Variants in STXBP5 observed in about 807,000 individuals in gnomAD.
The protein encoded by STXBP5 is syntaxin-binding protein 5.
Under a neutral mutation model 152.4 loss-of-function variants are expected in STXBP5, and 50 were observed. The ratio of observed to expected loss-of-function variants is 0.33; its 90% CI spans 0.26 to 0.42. STXBP5 has a LOEUF of 0.42. Among genes scored for constraint, STXBP5 ranks in the 10% least tolerant of loss-of-function variants. The probability of loss-of-function intolerance (pLI) is 1.00; values close to 1 mark genes in which losing one functional copy is unlikely to be tolerated. For synonymous variants in STXBP5, 492 were observed against 494.7 expected (o/e 0.99, Z 0.07); for missense variants, 1,167 against 1,388.6 (o/e 0.84, Z 2.54).
At chr6:147,311,325 A>G (rs1375596058) in intron 10 of STXBP5, 130 bp from the exon 11 acceptor site, 5 of 733,468 alleles carry the variant, frequency 6.8e-6, no homozygotes, top group Admixed American at 2.9e-5. Flanking sequence ...AACATGCATG[A>G]AGTATCATAG....
chr6:147,310,348 C>T (rs1251635003), intron 10 of STXBP5, 110 bp downstream of exon 10: 2 of 834,778 alleles, frequency 2.4e-6, no homozygotes, highest in African/African-American at 1.8e-5. Flanking sequence ...GCTAATTCTT[C>T]TGGAGAAGAG....
At chr6:147,349,403 G>C (rs907622454) in intron 21 of STXBP5, among the ~76,000 whole-genome samples, 3 of 152,142 alleles carry the variant, frequency 2.0e-5, no homozygotes, top group African/African-American at 7.2e-5. Flanking sequence ...TATCTTGCTC[G>C]TTCTAACAGT....
At chr6:147,350,414 A>G (rs758119566) in intron 21 of STXBP5, among the ~76,000 whole-genome samples, 1 of 152,148 alleles carries the variant, frequency 6.6e-6, no homozygotes, top group Non-Finnish European at 1.5e-5. Context: ...TAGATGGTGA[A>G]TGAAAGCATA....
At chr6:147,216,300 G>A (rs1265363156) in intron 2 of STXBP5, among the ~76,000 whole-genome samples, 1 of 152,162 alleles carries the variant, frequency 6.6e-6, no homozygotes, top group Non-Finnish European at 1.5e-5. Context: ...GCTGTGGCAG[G>A]AGAATCACTT....
At chr6:147,247,271 CA>C in intron 4 of STXBP5, among the ~76,000 whole-genome samples, 1 of 152,164 alleles carries the variant, frequency 6.6e-6, no homozygotes, top group East Asian at 1.9e-4. Flanking sequence ...TCTTTGAAAA[CA>C]GCTTAATGAA....
intron 2 of STXBP5, among the ~76,000 whole-genome samples, chr6:147,208,700 T>C (rs1378620530): frequency 6.6e-6 from 1 of 152,136 alleles, no homozygotes; most frequent in Non-Finnish European, 1.5e-5. Flanking sequence ...AAGATTAGGC[T>C]ATTACAATTC....
chr6:147,212,756 C>A (rs1236449102), intron 2 of STXBP5, among the ~76,000 whole-genome samples: 1 of 152,232 alleles, frequency 6.6e-6, no homozygotes, highest in East Asian at 1.9e-4. Context: ...CAAGTGTAAA[C>A]CTTTGTTTAC....
intron 1 of STXBP5, 150 bp from the exon 2 acceptor site, chr6:147,205,821 G>GT (rs1776522449): frequency 1.9e-6 from 1 of 536,578 alleles, no homozygotes; most frequent in East Asian, 3.0e-5. Flanking sequence ...GTTAATGTAG[G>GT]TTTCACTTAT....
At chr6:147,333,294 G>A (rs1164332745) in intron 18 of STXBP5, among the ~76,000 whole-genome samples, 2 of 152,076 alleles carry the variant, frequency 1.3e-5, no homozygotes, top group Non-Finnish European at 2.9e-5. Flanking sequence ...GGCCTAGGTG[G>A]GTGGATCACT....
intron 2 of STXBP5, among the ~76,000 whole-genome samples, chr6:147,223,718 G>A (rs1195336588): frequency 1.3e-5 from 2 of 152,156 alleles, no homozygotes; most frequent in Non-Finnish European, 2.9e-5. Context: ...AGTATGGCAA[G>A]GGGCATGACA....
intron 4 of STXBP5, among the ~76,000 whole-genome samples, chr6:147,254,290 A>C (rs1026716933): frequency 3.9e-5 from 6 of 152,246 alleles, no homozygotes; most frequent in Non-Finnish European, 7.3e-5. Flanking sequence ...ACAGAAATTA[A>C]CTCAAGGTGG....
In STXBP5 at chr6:147,386,641, C is replaced by G. The variant is rs1786352751; in HGVS notation, c.*1886C>G. 6.6e-6 allele frequency: 1 copy of G among 151,800 alleles called. No individual in the cohort carries two copies. Among genetic ancestry groups the G allele is most frequent in the Non-Finnish European group, 1.5e-5 (1 of 67,782 alleles). The allele number at this position is 151,800 out of a possible 1,614,324, so 9.4% of individuals were successfully genotyped here. ...GTTTCGTTAATGTCAGCTGCCTGAA[C>G]ATTCAGCAGTTTATAAATTGCTTAA... is the stretch of plus-strand genomic sequence containing the variant. On this transcript the variant is annotated 3_prime_UTR_variant, in exon 28 of 28. Coordinates refer to ENST00000321680, the MANE Select transcript of STXBP5 (RefSeq NM_001127715.4).
chr6:147,375,770 A>G (rs2128420293), intron 26 of STXBP5, among the ~76,000 whole-genome samples: 1 of 152,054 alleles, frequency 6.6e-6, no homozygotes, highest in African/African-American at 2.4e-5. Context: ...AGTACACCAG[A>G]GACAAAGAGA....
intron 26 of STXBP5, among the ~76,000 whole-genome samples, chr6:147,376,653 C>G (rs1785824538): frequency 6.6e-6 from 1 of 151,840 alleles, no homozygotes; most frequent in African/African-American, 2.4e-5. Flanking sequence ...CCTGTCTCTA[C>G]AAAAAATTTA....
Position 147,239,249 on chromosome 6 carries a change from C to G in STXBP5, c.410C>G (p.Ser137Trp). 3.1e-6 allele frequency: 5 copies of G among 1,613,592 alleles called. No homozygotes were observed. Among genetic ancestry groups the G allele is most frequent in the Non-Finnish European group, 3.4e-6 (4 of 1,179,726 alleles). Reference protein sequence around the residue: ...LRQKRPAILHSLKFCRERVTF... With the variant: ...LRQKRPAILHWLKFCRERVTF... ...CAGAAGAGGCCTGCCATACTACATTCGCTTAAATTTTGCAGAGAAAGGTAA... is the reference window on the plus strand; with the variant it reads ...CAGAAGAGGCCTGCCATACTACATTGGCTTAAATTTTGCAGAGAAAGGTAA... Residue 137 changes from serine to tryptophan, a missense_variant, in exon 4 of 28, where the codon TCG becomes TGG. By Grantham distance (177) the Ser-to-Trp change is radical (BLOSUM62 -3). This residue lies in a region of STXBP5 where 310 missense variants were observed against 346.1 expected (regional missense o/e 0.90). Coordinates refer to ENST00000321680, the MANE Select transcript of STXBP5 (RefSeq NM_001127715.4).
rs144317030 is a variant in STXBP5, at chr6:147,271,900, C to T, written c.714+4733C>T. 7.1e-3 allele frequency among the ~76,000 whole-genome samples: 1,081 copies of T among 151,998 alleles called. 13 individuals are homozygous for T. Among genetic ancestry groups the T allele is most frequent in the African/African-American group, 0.025 (1,037 of 41,468 alleles). On this transcript the variant is annotated intron_variant, in intron 7 of 27. Coordinates refer to ENST00000321680, the MANE Select transcript of STXBP5 (RefSeq NM_001127715.4). Reference sequence around the variant, plus strand: ...GTCAGAGTGGTGAGGAAAAAAAAGACGCAGATTACCCATTATGGAGGTGAA... The same window carrying T: ...GTCAGAGTGGTGAGGAAAAAAAAGATGCAGATTACCCATTATGGAGGTGAA...
chr6:147,283,379 T>C (rs1270073369), intron 8 of STXBP5, among the ~76,000 whole-genome samples: 2 of 152,218 alleles, frequency 1.3e-5, no homozygotes, highest in East Asian at 3.9e-4. Context: ...CCTCAGTTCC[T>C]TATGATTCAT....
intron 9 of STXBP5, among the ~76,000 whole-genome samples, chr6:147,295,856 G>T (rs985740672): frequency 6.6e-6 from 1 of 152,210 alleles, no homozygotes; most frequent in African/African-American, 2.4e-5. Context: ...AGCTGCTATA[G>T]TATGGTGCCA....
In STXBP5 at chr6:147,218,107, T is replaced by TTATA. The variant is rs1777267113; in HGVS notation, c.248+12039_248+12040insTATA. 2.0e-5 allele frequency among the ~76,000 whole-genome samples: 3 copies of TTATA among 152,326 alleles called. No homozygotes were observed. The Middle Eastern group carries it at 0.01, about 522-fold the overall frequency. ...AAGTAAGTGGAAGGTACAGAGATAT[T>TTATA]ATATATACTCCCTGCCTGTCCCAAA... On this transcript the variant is annotated intron_variant, in intron 2 of 27. Coordinates refer to ENST00000321680, the MANE Select transcript of STXBP5 (RefSeq NM_001127715.4).
Sources: gnomAD v4.1 joint callset for allele counts (sites outside exome capture counted in the v4.1 genomes callset) on GRCh38, gnomAD v4.1.1 for gene constraint, gnomAD v4.1.1 regional missense constraint, MANE v1.5 for transcripts, NCBI Gene and HGNC (gene_info 2026-07-23, HGNC 2026-07-21) for gene names.